Variants in SUGCT observed in about 807,000 individuals in gnomAD.
SUGCT encodes the protein succinyl-CoA:glutarate-CoA transferase.
In SUGCT, 41 loss-of-function variants were observed where a neutral mutation model predicts 55.0. The ratio of observed to expected loss-of-function variants is 0.74; its 90% confidence interval spans 0.58 to 0.97. The LOEUF (loss-of-function observed/expected upper bound fraction) is 0.97, where lower values mean the gene tolerates loss of function less well. Ranked by LOEUF, SUGCT falls within the 50% of genes least tolerant of loss-of-function variation. The probability of loss-of-function intolerance (pLI) is 0.00; values close to 1 mark genes in which losing one functional copy is unlikely to be tolerated. For missense variants in SUGCT, 568 were observed against 547.8 expected (o/e 1.04, Z -0.37); for synonymous variants, 187 against 200.4 (o/e 0.93, Z 0.56).
intron 1 of SUGCT, among the ~76,000 whole-genome samples, chr7:40,136,736 G>T (rs1787715805): frequency 6.6e-6 from 1 of 152,164 alleles, no homozygotes; most frequent in Non-Finnish European, 1.5e-5. Flanking sequence ...TTGCTCATTT[G>T]AATATTTATT....
chr7:40,540,602 A>G (rs1794620442), intron 12 of SUGCT, among the ~76,000 whole-genome samples: 1 of 152,256 alleles, frequency 6.6e-6, no homozygotes, highest in African/African-American at 2.4e-5. Flanking sequence ...TCTGGGGTAT[A>G]TTAATGTTGG....
chr7:40,333,888 G>A (rs1796507576), intron 9 of SUGCT, among the ~76,000 whole-genome samples: 1 of 151,128 alleles, frequency 6.6e-6, no homozygotes, highest in Non-Finnish European at 1.5e-5. Context: ...ATCTCCTAGT[G>A]CTATCCCTCC....
chr7:40,438,566 A>G (rs958957597), intron 9 of SUGCT, among the ~76,000 whole-genome samples: 8 of 152,118 alleles, frequency 5.3e-5, no homozygotes, highest in African/African-American at 9.7e-5. Flanking sequence ...GAGTAATACA[A>G]TCTGGTCTCC....
chr7:40,695,873 C>G (rs1424539089), intron 12 of SUGCT, among the ~76,000 whole-genome samples: 2 of 152,080 alleles, frequency 1.3e-5, no homozygotes, highest in African/African-American at 4.8e-5. Flanking sequence ...TCAGATGTCC[C>G]TGGAGGAGGG....
chr7:40,253,655 C>T (rs1223212852), intron 7 of SUGCT, among the ~76,000 whole-genome samples: 2 of 152,138 alleles, frequency 1.3e-5, no homozygotes, highest in African/African-American at 4.8e-5. Flanking sequence ...CTCCGCCTCC[C>T]GGTGGCTGGA....
chr7:40,630,740 T>C (rs888312790), intron 12 of SUGCT, among the ~76,000 whole-genome samples: 1 of 152,186 alleles, frequency 6.6e-6, no homozygotes, highest in East Asian at 1.9e-4. Flanking sequence ...CTCAGTCTAA[T>C]AGAAAAGGTA....
chr7:40,933,100 C>T, the SUGCT span, among the ~76,000 whole-genome samples: 9 of 152,188 alleles, frequency 5.9e-5, no homozygotes, highest in African/African-American at 1.4e-4. Context: ...TTAGTGCTTC[C>T]TTCAGGAGCT....
chr7:40,916,924 C>T, the SUGCT span, among the ~76,000 whole-genome samples: 1 of 152,160 alleles, frequency 6.6e-6, no homozygotes, highest in Non-Finnish European at 1.5e-5. Context: ...ACTAAGAGTG[C>T]AGAATGTCGG....
At chr7:40,988,778 G>A in the SUGCT span, among the ~76,000 whole-genome samples, 2 of 151,902 alleles carry the variant, frequency 1.3e-5, no homozygotes, top group African/African-American at 4.8e-5. Context: ...CAGATTCTTG[G>A]GAAAAAAAGA....
At chr7:40,582,776 T>C (rs1007732328) in intron 12 of SUGCT, among the ~76,000 whole-genome samples, 3 of 152,184 alleles carry the variant, frequency 2.0e-5, no homozygotes, top group African/African-American at 7.2e-5. Context: ...AGCTTCCTCA[T>C]TGGGTGGGCC....
chr7:40,639,675 A>AT (rs370490950), intron 12 of SUGCT, among the ~76,000 whole-genome samples: 12,733 of 140,236 alleles, frequency 0.091, 1,735 homozygotes, highest in African/African-American at 0.3. Flanking sequence ...ATGCCGTCTA[A>AT]TTTTTTTTTT....
the SUGCT span, among the ~76,000 whole-genome samples, chr7:40,933,866 C>T: frequency 9.9e-5 from 15 of 152,220 alleles, no homozygotes; most frequent in Admixed American, 8.5e-4. Context: ...AGCTTCCTTG[C>T]GATGGGTTAG....
Position 40,536,843 on chromosome 7 carries a change from G to A in SUGCT, c.1089+40457G>A, listed in dbSNP as rs533100753. 5.3e-5 allele frequency among the ~76,000 whole-genome samples: 8 copies of A among 152,176 alleles called. No individual in the cohort carries two copies. The South Asian group carries it at 1.2e-3, about 24-fold the overall frequency. Reference sequence around the variant, plus strand: ...TTCTTAAGCTCTCGTATGTGCTACAGAATCATCTTGTTTTCAGGCAAGTTA... The same window carrying A: ...TTCTTAAGCTCTCGTATGTGCTACAAAATCATCTTGTTTTCAGGCAAGTTA... On this transcript the variant is annotated intron_variant, in intron 12 of 13. Transcript: ENST00000335693.
chr7:40,651,614 C>T (rs969684508), intron 12 of SUGCT, among the ~76,000 whole-genome samples: 8 of 152,182 alleles, frequency 5.3e-5, no homozygotes, highest in African/African-American at 1.9e-4. Context: ...AAACTGCTTA[C>T]ACATGACTTT....
intron 12 of SUGCT, among the ~76,000 whole-genome samples, chr7:40,581,308 G>C (rs561971905): frequency 6.6e-6 from 1 of 152,250 alleles, no homozygotes; most frequent in South Asian, 2.1e-4. Flanking sequence ...CTGATGTGAG[G>C]AACATAATTT....
chr7:40,692,545 G>A (rs1038779661), intron 12 of SUGCT, among the ~76,000 whole-genome samples: 4 of 152,170 alleles, frequency 2.6e-5, no homozygotes, highest in African/African-American at 9.7e-5. Context: ...TCCTGGAGGT[G>A]AAACTGGATG....
intron 8 of SUGCT, among the ~76,000 whole-genome samples, chr7:40,286,980 C>T (rs146553988): frequency 2.7e-4 from 41 of 152,146 alleles, no homozygotes; most frequent in African/African-American, 9.6e-4. Context: ...TCACTTGGAC[C>T]CTGACTGGAG....
At chr7:40,826,709 C>G (rs2128772320) in intron 13 of SUGCT, among the ~76,000 whole-genome samples, 1 of 152,258 alleles carries the variant, frequency 6.6e-6, no homozygotes, top group Middle Eastern at 3.4e-3. Context: ...TTTTGAGTCA[C>G]CCACAGGGCA....
intron 13 of SUGCT, among the ~76,000 whole-genome samples, chr7:40,813,950 A>G (rs919709428): frequency 2.0e-5 from 3 of 152,188 alleles, no homozygotes; most frequent in African/African-American, 7.2e-5. Flanking sequence ...TTGCCCGGAA[A>G]AGATTTTCCC....
Sources: allele counts gnomAD v4.1 joint callset (sites outside exome capture counted in the v4.1 genomes callset), GRCh38; gene constraint gnomAD v4.1.1; transcripts MANE v1.5; gene names NCBI Gene and HGNC (gene_info 2026-07-23, HGNC 2026-07-21).